The following TSTD2 variants were observed in gnomAD, a reference collection of about 807,000 sequenced individuals.
The protein encoded by TSTD2 is thiosulfate sulfurtransferase/rhodanese-like domain-containing protein 2.
TSTD2 carries 37 observed loss-of-function variants against 47.9 expected under a neutral mutation model. The observed-to-expected ratio is 0.77, with a 90% CI of 0.59 to 1.02. The LOEUF (loss-of-function observed/expected upper bound fraction) is 1.02. TSTD2 is among the 50% of genes least tolerant of loss of function. The pLI is 0.00. For synonymous variants in TSTD2, 201 were observed against 215.9 expected, an observed-to-expected ratio of 0.93 and a Z score of 0.61; for missense variants, 586 against 616.0, an observed-to-expected ratio of 0.95 and a Z score of 0.52.
intron 6 of TSTD2, 93 bp downstream of exon 6, chr9:97,610,253 T>C: frequency 9.0e-7 from 1 of 1,114,890 alleles, no homozygotes; most frequent in East Asian, 2.6e-5. Context: ...AGAGGACTCA[T>C]GACTGCTGCT....
Position 97,605,581 on chromosome 9 carries a change from C to G in TSTD2, c.1015G>C (p.Val339Leu), listed in dbSNP as rs754264795. The change falls in exon 8 of 10, where the codon GTT (valine) becomes CTT (leucine). Residue 339 changes from valine to leucine, a missense_variant. By Grantham distance (32) the Val-to-Leu change is conservative. Coordinates refer to ENST00000341170, the MANE Select transcript of TSTD2 (RefSeq NM_139246.5). ...IRKFSYFPSYVDKNLELFREK... is the reference protein window; with the variant it reads ...IRKFSYFPSYLDKNLELFREK... ...CTGAAAAGTTCTAGATTTTTGTCAA[C>G]GTAGCTAGGGAAGTAACTGAATTTC... 4 of 1,614,228 alleles carry G rather than the reference C, an allele frequency of 2.5e-6. No homozygotes were observed. Among genetic ancestry groups the G allele is most frequent in the Non-Finnish European group, 3.4e-6 (4 of 1,180,044 alleles).
chr9:97,614,148 G>T (rs1053458300), intron 4 of TSTD2, among the ~76,000 whole-genome samples: 1 of 151,556 alleles, frequency 6.6e-6, no homozygotes, highest in Non-Finnish European at 1.5e-5. Context: ...AACTCTTTAG[G>T]GTATGGATAT....
intron 5 of TSTD2, chr9:97,611,178 CAT>C (rs1310764873): frequency 1.2e-5 from 2 of 163,492 alleles, no homozygotes; most frequent in African/African-American, 4.8e-5. Context: ...ATCTCACGTC[CAT>C]ATCTCAGCAC....
intron 1 of TSTD2, among the ~76,000 whole-genome samples, chr9:97,630,289 CCGA>C (rs768268630): frequency 6.6e-6 from 1 of 152,162 alleles, no homozygotes; most frequent in East Asian, 1.9e-4. Context: ...ATGATCTCCT[CCGA>C]CTCTGCATCT....
In TSTD2 at chr9:97,625,817, C is replaced by T. The variant is rs775880832; in HGVS notation, c.346G>A (p.Ala116Thr). The part of the protein sequence containing the change: ...HQTASILKQL[A>T]VTLSTSKSLS... ...CTCTTTGAGGTGCTCAATGTCACAG[C>T]CAGTTGCTTTAAAATAGAAGCTGTC... The change falls in exon 3 of 10, where the codon GCT becomes ACT. Residue 116 changes from alanine (A) to threonine (T), a missense_variant. Ala to Thr is a moderately conservative substitution (Grantham distance 58, BLOSUM62 0). Coordinates refer to ENST00000341170, the MANE Select transcript of TSTD2 (RefSeq NM_139246.5). The T allele has an allele frequency of 1.2e-6, 2 of 1,614,012 alleles. No homozygotes were observed. The highest frequency in any genetic ancestry group is 1.7e-6 in the Non-Finnish European group (2 of 1,180,002).
At chr9:97,603,883 A>G (rs1826318202) in intron 9 of TSTD2, among the ~76,000 whole-genome samples, 1 of 152,190 alleles carries the variant, frequency 6.6e-6, no homozygotes, top group Admixed American at 6.6e-5. Context: ...GTAGAGACAT[A>G]GTGAGCTATG....
rs1826361260 is a variant in TSTD2, at chr9:97,606,125, G to C, written c.954+18C>G. The C allele has an allele frequency of 2.0e-6, 3 of 1,523,668 alleles. No individual in the cohort carries two copies. Among genetic ancestry groups the C allele is most frequent in the Non-Finnish European group, 2.7e-6 (3 of 1,099,476 alleles). 94.4% of individuals were successfully genotyped at this position (1,523,668 alleles called of 1,614,324 possible). A position where few individuals can be genotyped will look rare whatever the true frequency, so the allele number is the denominator to read the frequency against. On this transcript the variant is annotated intron_variant, in intron 7 of 9. Transcript: ENST00000341170. Reference sequence around the variant, plus strand: ...GAGATCTACCAATTCAGAGAACTCAGTTCTGGCTTTTACTTACTATTTTGC... The same window carrying C: ...GAGATCTACCAATTCAGAGAACTCACTTCTGGCTTTTACTTACTATTTTGC...
intron 1 of TSTD2, among the ~76,000 whole-genome samples, chr9:97,627,909 T>A (rs1543636): frequency 0.12 from 17,985 of 152,160 alleles, 3,018 homozygotes; most frequent in African/African-American, 0.37. Flanking sequence ...TCAGATGGTG[T>A]AAAGGTTATG....
chr9:97,620,381 C>A (rs140083100), intron 3 of TSTD2, among the ~76,000 whole-genome samples: 3,780 of 152,192 alleles, frequency 0.025, 165 homozygotes, highest in African/African-American at 0.086. Flanking sequence ...TTGTAAATTG[C>A]CCAGTCTTGG....
chr9:97,628,165 T>G (rs536608081), intron 1 of TSTD2, among the ~76,000 whole-genome samples: 24 of 152,276 alleles, frequency 1.6e-4, no homozygotes, highest in Admixed American at 3.3e-4. Flanking sequence ...GCTATGAAAA[T>G]TTCCTTCCTT....
intron 6 of TSTD2, among the ~76,000 whole-genome samples, chr9:97,610,030 C>T (rs1401074063): frequency 6.6e-6 from 1 of 152,184 alleles, no homozygotes; most frequent in Non-Finnish European, 1.5e-5. Context: ...CCTATTTGCT[C>T]TATTCTGCTA....
rs907658900 is a variant in TSTD2, at chr9:97,621,912, C to T, written c.482+3769G>A. On this transcript the variant is annotated intron_variant, in intron 3 of 9. Transcript: ENST00000341170. ...CTGTGATCCACTCCCTATTCGTACA[C>T]CCTTCCCTTTTTGAAATCCCTAATA... Among the ~76,000 whole-genome samples the T allele has an allele frequency of 3.3e-5, 5 of 152,120 alleles. No individual in the cohort carries two copies. In the South Asian group the frequency reaches 1.0e-3, roughly 32 times the overall value.
intron 3 of TSTD2, among the ~76,000 whole-genome samples, chr9:97,624,185 C>T (rs1057049652): frequency 2.6e-5 from 4 of 152,150 alleles, no homozygotes; most frequent in African/African-American, 7.2e-5. Context: ...GGTTAGTCTA[C>T]GTGACCAATA....
intron 4 of TSTD2, among the ~76,000 whole-genome samples, chr9:97,612,951 G>A (rs1212066790): frequency 1.3e-5 from 2 of 152,174 alleles, no homozygotes; most frequent in Non-Finnish European, 2.9e-5. Context: ...TAAAACTCCT[G>A]GAAAGCCCCA....
chr9:97,606,413 T>G (rs1037871904), intron 6 of TSTD2, 152 bp from the exon 7 acceptor site: 9 of 564,782 alleles, frequency 1.6e-5, no homozygotes, highest in Non-Finnish European at 2.8e-5. Flanking sequence ...GAACACTACT[T>G]GATGATCATG....
At chr9:97,608,358 A>C (rs753208972) in intron 6 of TSTD2, among the ~76,000 whole-genome samples, 3 of 152,122 alleles carry the variant, frequency 2.0e-5, no homozygotes, top group Non-Finnish European at 4.4e-5. Flanking sequence ...TCTCTTTACC[A>C]GGTGCGGTGG....
At position 97,600,429 on chromosome 9, in the gene TSTD2, A is replaced by G; in HGVS notation, c.*2040T>C. The G allele has an allele frequency of 2.8e-5, 28 of 985,726 alleles. No individual in the cohort carries two copies. Among genetic ancestry groups the G allele is most frequent in the Non-Finnish European group, 3.4e-5 (28 of 830,094 alleles). 61.1% of individuals were successfully genotyped at this position (985,726 alleles called of 1,614,324 possible). On this transcript the variant is annotated 3_prime_UTR_variant, in exon 10 of 10. Coordinates refer to ENST00000341170, the MANE Select transcript of TSTD2 (RefSeq NM_139246.5). ...CTTTAAGAACATTTGGGATTTATGT[A>G]CAATTTAATACTGGAGTTAGAACTT...
In TSTD2 at chr9:97,611,644, G is replaced by A. The variant is rs1250350096; in HGVS notation, c.659C>T (p.Thr220Ile). ...AAGCATGACTTCCACATAAAGTCTG[G>A]TAGCCAATTTGCTTCCACCAACTGT... is the stretch of plus-strand genomic sequence containing the variant. ...NGTVGGSKLA[T>I]RLYVEVMLSF... Residue 220 changes from threonine to isoleucine, a missense_variant, in exon 5 of 10, where the codon ACC (threonine) becomes ATC (isoleucine). Coordinates refer to ENST00000341170, the MANE Select transcript of TSTD2 (RefSeq NM_139246.5). 2 of 1,610,974 alleles carry A rather than the reference G, an allele frequency of 1.2e-6. No homozygotes were observed. The highest frequency in any genetic ancestry group is 1.7e-6 in the Non-Finnish European group (2 of 1,177,342).
chr9:97,608,855 C>T (rs1050858251), intron 6 of TSTD2, among the ~76,000 whole-genome samples: 7 of 152,290 alleles, frequency 4.6e-5, no homozygotes, highest in East Asian at 3.9e-4. Context: ...ATCCTAATCC[C>T]GTTTCCCCCT....
Sources: allele counts gnomAD v4.1 joint callset (sites outside exome capture counted in the v4.1 genomes callset), GRCh38; gene constraint gnomAD v4.1.1; transcripts MANE v1.5; gene names NCBI Gene and HGNC (gene_info 2026-07-23, HGNC 2026-07-21).